The following SARDH variants were observed in gnomAD, a reference collection of about 807,000 sequenced individuals.
SARDH encodes sarcosine dehydrogenase, mitochondrial.
A neutral mutation model predicts 109.1 loss-of-function variants in SARDH; 95 were observed. That is an observed-to-expected ratio of 0.87 (90% CI 0.74 to 1.03). The LOEUF (loss-of-function observed/expected upper bound fraction) is 1.03, where lower values mean the gene tolerates loss of function less well. Ranked by LOEUF, SARDH falls within the 50% of genes least tolerant of loss-of-function variation. SARDH has a pLI of 0.00. For synonymous variants in SARDH, 572 were observed against 534.8 expected (o/e 1.07, Z -0.96); for missense variants, 1,267 against 1,287.8 (o/e 0.98, Z 0.25).
At chr9:133,671,485 C>A (rs201861068) in intron 18 of SARDH, 50 bp downstream of exon 18, 5 of 1,504,676 alleles carry the variant, frequency 3.3e-6, no homozygotes, top group East Asian at 2.5e-5. Flanking sequence ...AGCGTCACTG[C>A]CCCCCACTGC....
chr9:133,676,923 G>A (rs1345420020), intron 17 of SARDH, among the ~76,000 whole-genome samples: 21 of 152,206 alleles, frequency 1.4e-4, no homozygotes, highest in Non-Finnish European at 2.9e-4. Context: ...CGGATCACTT[G>A]AGGCCAGGAG....
chr9:133,678,034 C>G (rs2131351014), intron 17 of SARDH, among the ~76,000 whole-genome samples: 2 of 152,324 alleles, frequency 1.3e-5, no homozygotes, highest in East Asian at 3.9e-4. Context: ...GGAGGTCAGA[C>G]CCTTCCAGGC....
At chr9:133,679,391 C>T (rs1302698316) in intron 17 of SARDH, among the ~76,000 whole-genome samples, 3 of 152,228 alleles carry the variant, frequency 2.0e-5, no homozygotes, top group Non-Finnish European at 4.4e-5. Flanking sequence ...CTAACAGCGC[C>T]GCGACTAGGA....
chr9:133,729,804 G>T lies in SARDH; in HGVS notation c.876C>A (p.His292Gln). The T allele has an allele frequency of 6.2e-7, 1 of 1,612,856 alleles. No homozygotes were observed. Among genetic ancestry groups the T allele is most frequent in the Non-Finnish European group, 8.5e-7 (1 of 1,180,012 alleles). Residue 292 changes from histidine (H) to glutamine (Q), a missense_variant, in exon 6 of 21, where the codon CAC (histidine) becomes CAA (glutamine). His to Gln is a conservative substitution (Grantham distance 24, BLOSUM62 0). Coordinates refer to ENST00000439388, the MANE Select transcript of SARDH (RefSeq NM_001134707.2). The part of the protein sequence containing the change: ...AGVKVPLVAM[H>Q]HAYVVTERIE... ...TGCGCTCGGTGACGACATAGGCATG[G>T]TGCATGGCCACCAGCGGGACCTTGA...
At position 133,715,768 on chromosome 9, in the gene SARDH, C is replaced by T. The variant is rs1233979027; in HGVS notation, c.1150+1558G>A. ...CTACAGCTGCTGGGCCTGGCCTATGCCCTGCACCGCCCCTGTGGCTTCTGG... is the reference window on the plus strand; with the variant it reads ...CTACAGCTGCTGGGCCTGGCCTATGTCCTGCACCGCCCCTGTGGCTTCTGG... On this transcript the variant is annotated intron_variant, in intron 8 of 20. Transcript: ENST00000439388. 2.0e-5 allele frequency among the ~76,000 whole-genome samples: 3 copies of T among 152,338 alleles called. No individual in the cohort carries two copies. The East Asian group carries it at 5.8e-4, about 29-fold the overall frequency.
chr9:133,734,392 T>C lies in SARDH; in HGVS notation c.-30-189A>G, dbSNP rs867811306. Among the ~76,000 whole-genome samples the C allele has an allele frequency of 6.7e-3, 987 of 147,190 alleles. 5 individuals carry two copies. Among genetic ancestry groups the C allele is most frequent in the South Asian group, 0.023 (112 of 4,766 alleles). The stretch of plus-strand genomic sequence containing the variant: ...ATTCATTCATTCACTCATTCATTCA[T>C]TCACTCATTCATTCACTCATTCATT... On this transcript the variant is annotated intron_variant, in intron 1 of 20. Coordinates refer to ENST00000439388, the MANE Select transcript of SARDH (RefSeq NM_001134707.2).
intron 2 of SARDH, 94 bp from the exon 3 acceptor site, chr9:133,732,695 T>C: frequency 7.3e-7 from 1 of 1,375,310 alleles, no homozygotes; most frequent in Non-Finnish European, 9.8e-7. Context: ...TATTCAACCA[T>C]GGGTGTCTTT....
At chr9:133,736,619 C>A (rs1832894619) in intron 1 of SARDH, among the ~76,000 whole-genome samples, 1 of 152,338 alleles carries the variant, frequency 6.6e-6, no homozygotes, top group East Asian at 1.9e-4. Flanking sequence ...TGGTCTCGAA[C>A]TCCTGACCTC....
chr9:133,685,110 C>A, intron 17 of SARDH, 83 bp downstream of exon 17: 2 of 1,189,594 alleles, frequency 1.7e-6, no homozygotes, highest in Non-Finnish European at 1.2e-6. Flanking sequence ...TGCCCGAGAG[C>A]CCCCAGCCCC....
intron 13 of SARDH, among the ~76,000 whole-genome samples, chr9:133,702,624 G>A (rs914187746): frequency 1.5e-4 from 23 of 152,210 alleles, no homozygotes; most frequent in African/African-American, 5.1e-4. Context: ...GAGCGGTGCA[G>A]CCCCACCGGG....
At chr9:133,682,630 CCT>C (rs1830735233) in intron 17 of SARDH, among the ~76,000 whole-genome samples, 1 of 151,942 alleles carries the variant, frequency 6.6e-6, no homozygotes, top group South Asian at 2.1e-4. Context: ...GCACTCAGCC[CCT>C]GTGCTGAAAC....
At chr9:133,664,113 T>C in intron 20 of SARDH, 99 bp from the exon 21 acceptor site, 1 of 1,491,854 alleles carries the variant, frequency 6.7e-7, no homozygotes, top group Non-Finnish European at 9.0e-7. Context: ...TCTTGCTACC[T>C]GCCCTGTGGG....
chr9:133,725,829 C>T (rs938588588), intron 6 of SARDH, among the ~76,000 whole-genome samples: 6 of 152,160 alleles, frequency 3.9e-5, no homozygotes, highest in African/African-American at 9.7e-5. Context: ...CCTCTGTACC[C>T]GAGGAACAGC....
Position 133,702,977 on chromosome 9 carries a change from T to A in SARDH, c.1607A>T (p.Tyr536Phe). The change falls in exon 13 of 21, where the codon TAC becomes TTC. Residue 536 changes from tyrosine to phenylalanine, a missense_variant. By Grantham distance (22) the Tyr-to-Phe change is conservative. Coordinates refer to ENST00000439388, the MANE Select transcript of SARDH (RefSeq NM_001134707.2). Reference sequence around the variant, plus strand: ...GTCTGCCAGCAGCCTGCGGTAGGCGTAGTCCTCGTGCGCGCGGCTCCCGTA... The same window carrying A: ...GTCTGCCAGCAGCCTGCGGTAGGCGAAGTCCTCGTGCGCGCGGCTCCCGTA... ...GAYGSRAHED[Y>F]AYRRLLADEY... 2 of 1,613,438 alleles carry A rather than the reference T, an allele frequency of 1.2e-6. No individual in the cohort carries two copies. Among genetic ancestry groups the A allele is most frequent in the Non-Finnish European group, 1.7e-6 (2 of 1,179,962 alleles).
At chr9:133,725,412 C>T (rs1350708285) in intron 6 of SARDH, 4 of 318,780 alleles carry the variant, frequency 1.3e-5, no homozygotes, top group East Asian at 9.1e-5. Context: ...GTGGCTCACG[C>T]CTGTAATCCT....
chr9:133,686,621 G>A lies in SARDH; in HGVS notation c.2070-1335C>T, dbSNP rs1830895299. 6.6e-6 allele frequency among the ~76,000 whole-genome samples: 1 copy of A among 151,992 alleles called. No homozygotes were observed. Among genetic ancestry groups the A allele is most frequent in the South Asian group, 2.1e-4 (1 of 4,820 alleles). ...GCTCTCAGTAAATAGAACTGACTGTGAACACCCTGGCTTGGCACAGCAGGG... is the reference window on the plus strand; with the variant it reads ...GCTCTCAGTAAATAGAACTGACTGTAAACACCCTGGCTTGGCACAGCAGGG... On this transcript the variant is annotated intron_variant, in intron 16 of 20. Coordinates refer to ENST00000439388, the MANE Select transcript of SARDH (RefSeq NM_001134707.2). The surrounding 1 kb of genome is among the most constrained non-coding windows in gnomAD (Gnocchi z 4.0).
intron 14 of SARDH, among the ~76,000 whole-genome samples, chr9:133,694,839 T>C (rs1831226480): frequency 6.6e-6 from 1 of 151,866 alleles, no homozygotes; most frequent in South Asian, 2.1e-4. Flanking sequence ...GATGGGAGGA[T>C]GGGAGTGGGT....
chr9:133,659,987 C>G (rs938610148), downstream of SARDH, among the ~76,000 whole-genome samples: 2 of 152,132 alleles, frequency 1.3e-5, no homozygotes, highest in African/African-American at 4.8e-5. Context: ...AAGTACCTCA[C>G]CTGGGGCCCA....
At chr9:133,698,395 T>C (rs901552308) in intron 13 of SARDH, among the ~76,000 whole-genome samples, 11 of 152,204 alleles carry the variant, frequency 7.2e-5, no homozygotes, top group African/African-American at 2.2e-4. Context: ...CTCAGCTGGT[T>C]TCTTTGCAGA....
Sources: allele counts gnomAD v4.1 joint callset (sites outside exome capture counted in the v4.1 genomes callset), GRCh38; gene constraint gnomAD v4.1.1; non-coding constraint Gnocchi (gnomAD v3.1); transcripts MANE v1.5; gene names NCBI Gene and HGNC (gene_info 2026-07-23, HGNC 2026-07-21).